Variants in DNAH8 observed in about 807,000 individuals in gnomAD.
DNAH8 encodes dynein axonemal heavy chain 8.
DNAH8 carries 382 observed loss-of-function variants against 562.1 expected under a neutral mutation model. The ratio of observed to expected loss-of-function variants is 0.68; its 90% CI spans 0.63 to 0.74. The LOEUF is 0.74. DNAH8 is among the 30% of genes least tolerant of loss of function. DNAH8 has a pLI of 0.00. For synonymous variants in DNAH8, 1,881 were observed against 1,919.4 expected, an observed-to-expected ratio of 0.98 and a Z score of 0.52; for missense variants, 5,203 against 5,620.4, an observed-to-expected ratio of 0.93 and a Z score of 2.37.
rs1777192918 is a variant in DNAH8 at position 38,868,070 on chromosome 6, T to C, written c.6702T>C (p.Tyr2234=). 1 of 1,607,970 alleles carries C rather than the reference T, an allele frequency of 6.2e-7. No individual in the cohort carries two copies. The highest frequency in any genetic ancestry group is 8.5e-7 in the Non-Finnish European group (1 of 1,178,588). The change falls in exon 48 of 93, where the codon TAT becomes TAC. Residue 2234 remains tyrosine (Y), a synonymous_variant. Transcript: ENST00000327475. ...CEEQLTKQVH[Y]DFGLRNILSV... is the part of the protein sequence containing the mutation. ...CTCTTCTCCCATCTCAGGTTCATTATGACTTTGGATTGAGAAATATTCTGT... is the reference window on the plus strand; with the variant it reads ...CTCTTCTCCCATCTCAGGTTCATTACGACTTTGGATTGAGAAATATTCTGT...
chr6:39,027,550 A>G (rs886762639), intron 92 of DNAH8, among the ~76,000 whole-genome samples: 5 of 152,194 alleles, frequency 3.3e-5, no homozygotes, highest in Non-Finnish European at 5.9e-5. Flanking sequence ...AGTTGTGGCC[A>G]GGCACGGTGG....
chr6:38,874,094 T>C (rs1162186801), intron 52 of DNAH8, among the ~76,000 whole-genome samples: 3 of 122,598 alleles, frequency 2.4e-5, no homozygotes, highest in African/African-American at 9.4e-5. Context: ...CTTTCTTTCT[T>C]TCTCTTTCTC....
At chr6:38,870,285 G>A in intron 48 of DNAH8, 116 bp from the exon 49 acceptor site, 3 of 887,084 alleles carry the variant, frequency 3.4e-6, no homozygotes, top group Non-Finnish European at 5.2e-6. Context: ...AGCCTGATTA[G>A]GAGAGTAATA....
chr6:38,840,115 G>A (rs1212572835), intron 33 of DNAH8, among the ~76,000 whole-genome samples: 1 of 152,190 alleles, frequency 6.6e-6, no homozygotes, highest in African/African-American at 2.4e-5. Context: ...GTGTGAACCT[G>A]GAGCATATCC....
rs372865061 is a variant in DNAH8 at position 38,963,149 on chromosome 6, A to G, written c.12452-8443A>G. On this transcript the variant is annotated intron_variant, in intron 82 of 92. Transcript: ENST00000327475. ...AAATAAAAAAAATCTGTATGTCAAAAGCACCATAAATAAAATAAAAGCACA... is the reference window on the plus strand; with the variant it reads ...AAATAAAAAAAATCTGTATGTCAAAGGCACCATAAATAAAATAAAAGCACA... 1.1e-3 allele frequency among the ~76,000 whole-genome samples: 162 copies of G among 152,210 alleles called. 3 individuals are homozygous for G. In the South Asian group the frequency reaches 0.032, roughly 30 times the overall value.
intron 42 of DNAH8, 60 bp from the exon 43 acceptor site, chr6:38,860,397 G>T: frequency 1.0e-6 from 1 of 999,994 alleles, no homozygotes; most frequent in Non-Finnish European, 1.3e-6. Flanking sequence ...CTGCCCACAT[G>T]CTTATGTTTT....
intron 80 of DNAH8, among the ~76,000 whole-genome samples, chr6:38,948,166 C>A (rs1561901859): frequency 6.6e-6 from 1 of 152,088 alleles, no homozygotes; most frequent in Non-Finnish European, 1.5e-5. Context: ...ATTGTTCACA[C>A]CACAGATATG....
At chr6:38,717,443 C>T (rs1762424104) in intron 1 of DNAH8, among the ~76,000 whole-genome samples, 1 of 152,012 alleles carries the variant, frequency 6.6e-6, no homozygotes, top group African/African-American at 2.4e-5. Context: ...CCCTCCTCAG[C>T]CCTCGAAGTA....
intron 91 of DNAH8, among the ~76,000 whole-genome samples, chr6:39,020,734 G>A (rs1766863226): frequency 6.6e-6 from 1 of 151,932 alleles, no homozygotes; most frequent in Non-Finnish European, 1.5e-5. Flanking sequence ...TGTTCTCATT[G>A]TTCAACTCTT....
intron 85 of DNAH8, among the ~76,000 whole-genome samples, chr6:38,975,805 A>T (rs960134448): frequency 6.6e-6 from 1 of 152,222 alleles, no homozygotes; most frequent in Non-Finnish European, 1.5e-5. Context: ...CTGCTATTTC[A>T]TTCCCAATTC....
chr6:38,903,412 T>C (rs1159795792), intron 62 of DNAH8, among the ~76,000 whole-genome samples: 1 of 151,894 alleles, frequency 6.6e-6, no homozygotes, highest in East Asian at 1.9e-4. Context: ...TTATATGAAC[T>C]CAGAGTTAGA....
At chr6:39,009,000 C>G (rs754484496) in intron 89 of DNAH8, 30 bp downstream of exon 89, 3 of 1,522,962 alleles carry the variant, frequency 2.0e-6, no homozygotes, top group Non-Finnish European at 2.7e-6. Flanking sequence ...CACTGGCATA[C>G]AGGGCTATTT....
chr6:39,004,611 T>C (rs370428672), intron 88 of DNAH8, among the ~76,000 whole-genome samples: 1 of 152,244 alleles, frequency 6.6e-6, no homozygotes, highest in Non-Finnish European at 1.5e-5. Context: ...ATAAATGATT[T>C]CTAGTAAGTT....
At chr6:38,842,019 C>G (rs911292534) in intron 33 of DNAH8, among the ~76,000 whole-genome samples, 1 of 152,152 alleles carries the variant, frequency 6.6e-6, no homozygotes, top group African/African-American at 2.4e-5. Flanking sequence ...AAACCTTAGC[C>G]GCAGCTATGA....
At chr6:38,865,787 T>C (rs1583217804) in intron 45 of DNAH8, among the ~76,000 whole-genome samples, 1 of 152,114 alleles carries the variant, frequency 6.6e-6, no homozygotes, top group East Asian at 1.9e-4. Flanking sequence ...CTCAGGAAGG[T>C]TAAGAGGAGT....
Position 38,909,758 on chromosome 6 carries a change from C to T in DNAH8, c.9740+14C>T. ...TTATTTCCAAAGGTAAGTGATATTA[C>T]ATAAGCACCATCGCTATGGAACCAC... On this transcript the variant is annotated intron_variant, in intron 65 of 92. Transcript: ENST00000327475. The T allele has an allele frequency of 5.6e-6, 9 of 1,595,712 alleles. No homozygotes were observed. The highest frequency in any genetic ancestry group is 7.7e-6 in the Non-Finnish European group (9 of 1,163,612).
intron 33 of DNAH8, among the ~76,000 whole-genome samples, chr6:38,840,240 G>A (rs901478911): frequency 3.9e-5 from 6 of 152,046 alleles, no homozygotes; most frequent in Non-Finnish European, 5.9e-5. Flanking sequence ...TTGAAAACTC[G>A]GACAGTCATC....
At chr6:38,960,273 C>G (rs1398140064) in intron 82 of DNAH8, among the ~76,000 whole-genome samples, 1 of 151,790 alleles carries the variant, frequency 6.6e-6, no homozygotes, top group African/African-American at 2.4e-5. Flanking sequence ...TTGGGATTAC[C>G]TCAAGCTACA....
chr6:38,761,801 C>A lies in DNAH8; in HGVS notation c.1615C>A (p.Gln539Lys). The change falls in exon 11 of 93, where the codon CAG becomes AAG. Residue 539 changes from glutamine to lysine, a missense_variant and splice_region_variant. Gln to Lys is a moderately conservative substitution (Grantham distance 53). Transcript: ENST00000327475. ...AACGCCAGTTGTACTAAAGAAAATT[C>A]AGGTTTGTAGAAGTACTTTTATTTT... ...QETPVVLKKI[Q>K]DCIFLFKEYQ... 1.3e-6 allele frequency: 2 copies of A among 1,531,850 alleles called. No homozygotes were observed. The highest frequency in any genetic ancestry group is 1.2e-5 in the South Asian group (1 of 81,992). The allele number at this position is 1,531,850 out of a possible 1,614,324, so 94.9% of individuals were successfully genotyped here.
Sources: allele counts gnomAD v4.1 joint callset (sites outside exome capture counted in the v4.1 genomes callset), GRCh38; gene constraint gnomAD v4.1.1; transcripts MANE v1.5; gene names NCBI Gene and HGNC (gene_info 2026-07-23, HGNC 2026-07-21).